CALCR: variants seen among roughly 807,000 people sequenced by gnomAD.
CALCR encodes the protein calcitonin receptor.
Under a neutral mutation model 59.5 loss-of-function variants are expected in CALCR, and 47 were observed. The ratio of observed to expected loss-of-function variants is 0.79; its 90% CI spans 0.63 to 1.01. CALCR has a LOEUF of 1.01. Among genes scored for constraint, CALCR ranks in the 50% least tolerant of loss-of-function variants. The probability of loss-of-function intolerance (pLI) is 0.00; values close to 1 mark genes in which losing one functional copy is unlikely to be tolerated. For synonymous variants in CALCR, 213 were observed against 211.3 expected, an observed-to-expected ratio of 1.01 and a Z score of -0.07; for missense variants, 566 against 597.1, an observed-to-expected ratio of 0.95 and a Z score of 0.54.
chr7:93,460,572 A>AAATATATATAT (rs1554397787), intron 8 of CALCR, among the ~76,000 whole-genome samples: 3 of 66,516 alleles, frequency 4.5e-5, no homozygotes, highest in African/African-American at 3.0e-4. Context: ...AAAAAAAAAA[A>AAATATATATAT]ATATATATAT....
At chr7:93,567,819 T>C (rs1789901427) in intron 2 of CALCR, among the ~76,000 whole-genome samples, 1 of 152,074 alleles carries the variant, frequency 6.6e-6, no homozygotes, top group South Asian at 2.1e-4. Flanking sequence ...GATAGTTTGC[T>C]GAGAATGATG....
At chr7:93,485,387 C>T (rs1257898494) in intron 3 of CALCR, among the ~76,000 whole-genome samples, 6 of 151,494 alleles carry the variant, frequency 4.0e-5, no homozygotes, top group East Asian at 2.0e-4. Context: ...AAATGACCTA[C>T]GTTGCTTTTT....
In CALCR at chr7:93,472,936, A is replaced by G. The variant is rs201177782; in HGVS notation, c.317-449T>C. Among the ~76,000 whole-genome samples the G allele has an allele frequency of 3.9e-5, 6 of 151,960 alleles. No homozygotes were observed. In the East Asian group the frequency reaches 9.7e-4, roughly 25 times the overall value. On this transcript the variant is annotated intron_variant, in intron 5 of 13. Coordinates refer to ENST00000426151, the MANE Select transcript of CALCR (RefSeq NM_001742.4). ...TTTACTTGCAATGTTTTTTCATTAG[A>G]TTAACTGTATGAAACAGTAATTTTT...
At chr7:93,523,233 A>C (rs1019320872) in intron 2 of CALCR, among the ~76,000 whole-genome samples, 1 of 152,166 alleles carries the variant, frequency 6.6e-6, no homozygotes, top group Non-Finnish European at 1.5e-5. Flanking sequence ...ACAGTTGCCT[A>C]CTTCATTCTG....
chr7:93,476,765 T>A (rs776994298), intron 5 of CALCR, among the ~76,000 whole-genome samples: 7 of 151,942 alleles, frequency 4.6e-5, no homozygotes, highest in Non-Finnish European at 1.0e-4. Context: ...GCATCATTCA[T>A]TGGGAAGAGT....
chr7:93,453,782 G>C (rs1253045431), intron 8 of CALCR, among the ~76,000 whole-genome samples: 1 of 151,878 alleles, frequency 6.6e-6, no homozygotes, highest in Non-Finnish European at 1.5e-5. Context: ...ACTTTAGGAA[G>C]AGATTCTCCT....
At chr7:93,464,034 T>G (rs1004554981) in intron 7 of CALCR, among the ~76,000 whole-genome samples, 5 of 152,058 alleles carry the variant, frequency 3.3e-5, no homozygotes, top group African/African-American at 4.8e-5. Context: ...AATGATTTAC[T>G]TGAGTATGAA....
chr7:93,566,634 T>C (rs1789869352), intron 2 of CALCR, among the ~76,000 whole-genome samples: 1 of 152,186 alleles, frequency 6.6e-6, no homozygotes, highest in South Asian at 2.1e-4. Flanking sequence ...CACTCAGAGA[T>C]GTATGAACCT....
intron 2 of CALCR, among the ~76,000 whole-genome samples, chr7:93,555,679 C>A (rs77982220): frequency 6.6e-6 from 1 of 151,730 alleles, no homozygotes; most frequent in Non-Finnish European, 1.5e-5. Flanking sequence ...GTAATTATAT[C>A]AAAGTGGCAT....
chr7:93,471,762 C>A (rs1050250655), intron 6 of CALCR, among the ~76,000 whole-genome samples: 1 of 151,700 alleles, frequency 6.6e-6, no homozygotes, highest in South Asian at 2.1e-4. Context: ...ATCATCTGTT[C>A]CCCACTCGCC....
intron 2 of CALCR, among the ~76,000 whole-genome samples, chr7:93,518,083 A>G (rs1801684455): frequency 6.6e-6 from 1 of 151,940 alleles, no homozygotes; most frequent in African/African-American, 2.4e-5. Context: ...ACAGTAGATA[A>G]AAATATGTGT....
intron 2 of CALCR, among the ~76,000 whole-genome samples, chr7:93,488,239 G>T (rs1212047260): frequency 1.3e-5 from 2 of 151,458 alleles, no homozygotes; most frequent in Non-Finnish European, 3.0e-5. Flanking sequence ...GGTCTGCCTT[G>T]CAAGAGCTCC....
At chr7:93,428,700 T>C (rs1476427616) in intron 13 of CALCR, among the ~76,000 whole-genome samples, 1 of 146,842 alleles carries the variant, frequency 6.8e-6, no homozygotes, top group Non-Finnish European at 1.5e-5. Flanking sequence ...GGCAGGAGAA[T>C]GGCATGAACC....
Position 93,450,457 on chromosome 7 carries a change from T to C in CALCR, c.649-6700A>G, listed in dbSNP as rs375706237. ...CAGTGAAAGACTACACACAAGTATA[T>C]ACACAGAATCTGAGGCCCCTCTTCT... is the stretch of plus-strand genomic sequence containing the variant. On this transcript the variant is annotated intron_variant, in intron 8 of 13. Transcript: ENST00000426151. 6.6e-5 allele frequency among the ~76,000 whole-genome samples: 10 copies of C among 152,110 alleles called. No individual in the cohort carries two copies. In the East Asian group the frequency reaches 1.7e-3, roughly 27 times the overall value.
intron 8 of CALCR, among the ~76,000 whole-genome samples, chr7:93,456,761 A>T (rs567710641): frequency 6.6e-6 from 1 of 152,290 alleles, no homozygotes; most frequent in South Asian, 2.1e-4. Flanking sequence ...ACCAGGTGCT[A>T]GTCATGTCAT....
chr7:93,503,443 A>G, intron 2 of CALCR, among the ~76,000 whole-genome samples: 1 of 151,410 alleles, frequency 6.6e-6, no homozygotes, highest in Non-Finnish European at 1.5e-5. Context: ...TACACACGAC[A>G]CAGAGGAAAA....
At chr7:93,542,407 G>A (rs1789167769) in intron 2 of CALCR, among the ~76,000 whole-genome samples, 1 of 152,196 alleles carries the variant, frequency 6.6e-6, no homozygotes, top group African/African-American at 2.4e-5. Flanking sequence ...TGGTATACCT[G>A]TGTAGGGCAC....
intron 8 of CALCR, among the ~76,000 whole-genome samples, chr7:93,457,953 G>A (rs1430923007): frequency 4.6e-5 from 7 of 152,104 alleles, no homozygotes; most frequent in Admixed American, 2.6e-4. Flanking sequence ...CTCATGCTAC[G>A]GAGGACACTT....
intron 7 of CALCR, among the ~76,000 whole-genome samples, chr7:93,465,212 G>A (rs936448400): frequency 7.9e-5 from 12 of 151,954 alleles, no homozygotes; most frequent in Non-Finnish European, 1.5e-4. Flanking sequence ...TTATTCCACA[G>A]AAAAGTAAAT....
Sources: gnomAD v4.1 joint callset for allele counts (sites outside exome capture counted in the v4.1 genomes callset) on GRCh38, gnomAD v4.1.1 for gene constraint, MANE v1.5 for transcripts, NCBI Gene and HGNC (gene_info 2026-07-23, HGNC 2026-07-21) for gene names.